REC114: variants seen among roughly 807,000 people sequenced by gnomAD.
The protein encoded by REC114 is REC114 meiotic recombination protein.
A neutral mutation model predicts 31.3 loss-of-function variants in REC114; 27 were observed. The ratio of observed to expected loss-of-function variants is 0.86; its 90% confidence interval spans 0.64 to 1.19. The LOEUF (loss-of-function observed/expected upper bound fraction) is 1.19. REC114 is among the 50% of genes most tolerant of loss of function. REC114 has a pLI of 0.00. For missense variants in REC114, 344 were observed against 326.9 expected (o/e 1.05, Z -0.40); for synonymous variants, 134 against 127.7 (o/e 1.05, Z -0.33).
chr15:73,456,200 T>C (rs946252499), intron 1 of REC114, among the ~76,000 whole-genome samples: 2 of 152,190 alleles, frequency 1.3e-5, no homozygotes, highest in African/African-American at 4.8e-5. Context: ...TGTCTGAATA[T>C]AATTTAGTCT....
intron 2 of REC114, among the ~76,000 whole-genome samples, chr15:73,530,597 A>G (rs1486016118): frequency 6.6e-6 from 1 of 152,216 alleles, no homozygotes; most frequent in African/African-American, 2.4e-5. Flanking sequence ...GCAGTGAGTT[A>G]TCATCGTACC....
At chr15:73,511,429 G>A (rs1282132901) in intron 2 of REC114, among the ~76,000 whole-genome samples, 2 of 151,908 alleles carry the variant, frequency 1.3e-5, no homozygotes, top group African/African-American at 2.4e-5. Flanking sequence ...ATGGTTTTTT[G>A]TGTCTCTATT....
At chr15:73,547,774 T>C (rs1894329998) in intron 3 of REC114, among the ~76,000 whole-genome samples, 1 of 152,130 alleles carries the variant, frequency 6.6e-6, no homozygotes, top group South Asian at 2.1e-4. Context: ...CAAAAATTAA[T>C]TCAAGATGGA....
At chr15:73,444,164 T>C (rs954370151) in intron 1 of REC114, among the ~76,000 whole-genome samples, 33 of 152,244 alleles carry the variant, frequency 2.2e-4, no homozygotes, top group African/African-American at 7.7e-4. Flanking sequence ...GGCTGCTGAC[T>C]GATCAGAGTG....
At chr15:73,515,954 A>G (rs1893852532) in intron 2 of REC114, among the ~76,000 whole-genome samples, 1 of 151,936 alleles carries the variant, frequency 6.6e-6, no homozygotes. Flanking sequence ...TTTACTAACA[A>G]GGAACTGAAC....
chr15:73,506,281 C>T (rs1893675387), intron 2 of REC114, among the ~76,000 whole-genome samples: 1 of 152,040 alleles, frequency 6.6e-6, no homozygotes, highest in South Asian at 2.1e-4. Context: ...TGAGTTGTGA[C>T]CCTTCAATTT....
intron 1 of REC114, among the ~76,000 whole-genome samples, chr15:73,465,460 C>T (rs1309888361): frequency 6.6e-6 from 1 of 152,208 alleles, no homozygotes; most frequent in East Asian, 1.9e-4. Context: ...GCTCAAGCCT[C>T]ACCTTCTCAG....
At chr15:73,452,471 A>C (rs1892864151) in intron 1 of REC114, among the ~76,000 whole-genome samples, 1 of 152,222 alleles carries the variant, frequency 6.6e-6, no homozygotes, top group African/African-American at 2.4e-5. Flanking sequence ...ACCACGGCTC[A>C]AGGCAATAAG....
intron 4 of REC114, among the ~76,000 whole-genome samples, chr15:73,552,852 T>G (rs1233363717): frequency 2.6e-4 from 39 of 152,238 alleles, no homozygotes; most frequent in Admixed American, 2.6e-3. Flanking sequence ...TCGCTCTTGT[T>G]GCCCAGGCTG....
chr15:73,475,241 A>G (rs746376012), intron 2 of REC114, among the ~76,000 whole-genome samples: 11 of 152,214 alleles, frequency 7.2e-5, no homozygotes, highest in Non-Finnish European at 1.6e-4. Flanking sequence ...TGTATCACAC[A>G]TAGAATGATT....
At chr15:73,554,842 T>A (rs1894441209) in intron 4 of REC114, among the ~76,000 whole-genome samples, 1 of 152,230 alleles carries the variant, frequency 6.6e-6, no homozygotes, top group Admixed American at 6.5e-5. Context: ...TTGGTTGACA[T>A]TAGTTCTTTG....
chr15:73,478,180 C>T (rs904982275), intron 2 of REC114, among the ~76,000 whole-genome samples: 5 of 143,672 alleles, frequency 3.5e-5, no homozygotes, highest in African/African-American at 1.3e-4. Context: ...GGGACAATTG[C>T]TTGAACCCAG....
chr15:73,550,902 AG>A (rs769250561), intron 3 of REC114, 35 bp from the exon 4 acceptor site: 4 of 1,592,208 alleles, frequency 2.5e-6, no homozygotes, highest in Non-Finnish European at 2.6e-6. Flanking sequence ...TTATATGATG[AG>A]GGTCTCTCAT....
chr15:73,489,361 G>A (rs577371909), intron 2 of REC114, among the ~76,000 whole-genome samples: 155 of 151,914 alleles, frequency 1.0e-3, no homozygotes, highest in African/African-American at 3.6e-3. Flanking sequence ...GTGCAACCAC[G>A]CCCAGATAAT....
At chr15:73,541,956 G>A (rs1894243939) in intron 3 of REC114, among the ~76,000 whole-genome samples, 1 of 152,058 alleles carries the variant, frequency 6.6e-6, no homozygotes, top group Non-Finnish European at 1.5e-5. Flanking sequence ...TACTATATCA[G>A]TTAGGATTGT....
chr15:73,544,761 T>C (rs1202698086), intron 3 of REC114, among the ~76,000 whole-genome samples: 2 of 152,236 alleles, frequency 1.3e-5, no homozygotes, highest in African/African-American at 2.4e-5. Flanking sequence ...ACCTTCTCTG[T>C]TTAAGACCTT....
chr15:73,526,272 G>A (rs564145949), intron 2 of REC114, among the ~76,000 whole-genome samples: 50 of 152,206 alleles, frequency 3.3e-4, no homozygotes, highest in African/African-American at 1.1e-3. Context: ...AATCTATTCT[G>A]ACAACCTCTT....
intron 1 of REC114, among the ~76,000 whole-genome samples, chr15:73,473,509 C>T (rs2141293169): frequency 6.6e-6 from 1 of 152,200 alleles, no homozygotes; most frequent in East Asian, 1.9e-4. Context: ...TACTGAGGCT[C>T]AGAGAGAATA....
At chr15:73,556,755 G>C (rs976977448) in intron 5 of REC114, among the ~76,000 whole-genome samples, 1 of 152,136 alleles carries the variant, frequency 6.6e-6, no homozygotes, top group Non-Finnish European at 1.5e-5. Flanking sequence ...ACTATTTTAA[G>C]ACAAATATCA....
Sources: allele counts gnomAD v4.1 joint callset (sites outside exome capture counted in the v4.1 genomes callset), GRCh38; gene constraint gnomAD v4.1.1; transcripts MANE v1.5; gene names NCBI Gene and HGNC (gene_info 2026-07-23, HGNC 2026-07-21).